The following OR2T12 variants were observed in gnomAD, a reference collection of about 807,000 sequenced individuals.
OR2T12 encodes the protein olfactory receptor 2T12.
For synonymous variants in OR2T12, 127 were observed against 160.5 expected (o/e 0.79, Z 1.58); for missense variants, 335 against 404.3 (o/e 0.83, Z 1.47).
At position 248,297,989 on chromosome 1, in the gene OR2T12, G is replaced by T. The variant is rs375090480; in HGVS notation, c.-8-2403C>A. On this transcript the variant is annotated intron_variant, in intron 2 of 2. Transcript: ENST00000641276. ...TCAGTATGATATTGGCTGTGGGTTT[G>T]TCATAGATAGCTCTTATTATTTTGA... 4.2e-4 allele frequency among the ~76,000 whole-genome samples: 63 copies of T among 151,354 alleles called. 3 individuals are homozygous for T. In the East Asian group the frequency reaches 5.8e-3, roughly 14 times the overall value.
intron 2 of OR2T12, among the ~76,000 whole-genome samples, chr1:248,298,193 G>A (rs983580698): frequency 5.9e-5 from 9 of 152,140 alleles, no homozygotes; most frequent in South Asian, 2.1e-4. Flanking sequence ...GCATCCCAGC[G>A]ATGAAGCCCA....
chr1:248,295,837 A>T (rs1207156295), intron 2 of OR2T12, among the ~76,000 whole-genome samples: 1 of 152,008 alleles, frequency 6.6e-6, no homozygotes, highest in African/African-American at 2.4e-5. Context: ...AATGAATAAA[A>T]ATTTTTTTTT....
In OR2T12 at chr1:248,294,016, A is replaced by T. The variant is rs920437313; in HGVS notation, c.*600T>A. The stretch of plus-strand genomic sequence containing the variant: ...GCATCTATATTTTAAAATATAACTT[A>T]AAAATAATGTTATTTGTCTTTGGTG... On this transcript the variant is annotated 3_prime_UTR_variant, in exon 3 of 3. Coordinates refer to ENST00000641276, the MANE Select transcript of OR2T12 (RefSeq NM_001004692.2). 3.9e-5 allele frequency: 6 copies of T among 152,196 alleles called. No homozygotes were observed. The highest frequency in any genetic ancestry group is 1.4e-4 in the African/African-American group (6 of 41,454). 9.4% of individuals were successfully genotyped at this position (152,196 alleles called of 1,614,324 possible).
At chr1:248,300,061 G>A (rs574120620) in intron 2 of OR2T12, among the ~76,000 whole-genome samples, 1 of 152,096 alleles carries the variant, frequency 6.6e-6, no homozygotes, top group Non-Finnish European at 1.5e-5. Context: ...TTAATAGCAT[G>A]TGCACATTGT....
chr1:248,297,310 T>A (rs1406051949), intron 2 of OR2T12, among the ~76,000 whole-genome samples: 1 of 152,056 alleles, frequency 6.6e-6, no homozygotes, highest in Non-Finnish European at 1.5e-5. Context: ...TTTGTTCTTT[T>A]CGCTTAGGAT....
chr1:248,295,931 G>C (rs1397652274), intron 2 of OR2T12, among the ~76,000 whole-genome samples: 1 of 151,936 alleles, frequency 6.6e-6, no homozygotes, highest in Non-Finnish European at 1.5e-5. Flanking sequence ...GTATACATGT[G>C]ACATGCTGGT....
intron 2 of OR2T12, among the ~76,000 whole-genome samples, chr1:248,295,955 T>G (rs1659719607): frequency 6.6e-6 from 1 of 152,102 alleles, no homozygotes; most frequent in Admixed American, 6.5e-5. Flanking sequence ...CTGCACCCAC[T>G]AACTCCTCAT....
At position 248,294,107 on chromosome 1, in the gene OR2T12, T is replaced by C. The variant is rs944387299; in HGVS notation, c.*509A>G. The C allele has an allele frequency of 1.9e-5, 3 of 154,318 alleles. No individual in the cohort carries two copies. Among genetic ancestry groups the C allele is most frequent in the African/African-American group, 7.2e-5 (3 of 41,454 alleles). The allele number at this position is 154,318 out of a possible 1,614,324, so 9.6% of individuals were successfully genotyped here. Reference sequence around the variant, plus strand: ...GGGAAATAACACTCAAAATACATTATTGAACAGAAATAAACTCTTCCAGGT... The same window carrying C: ...GGGAAATAACACTCAAAATACATTACTGAACAGAAATAAACTCTTCCAGGT... On this transcript the variant is annotated 3_prime_UTR_variant, in exon 3 of 3. Coordinates refer to ENST00000641276, the MANE Select transcript of OR2T12 (RefSeq NM_001004692.2).
Position 248,294,480 on chromosome 1 carries a change from C to T in OR2T12, c.*136G>A. ...AAATGGTATCTGTCAATACAATTGG[C>T]TCACTTCATTCTTAAAAATATCTTA... On this transcript the variant is annotated 3_prime_UTR_variant, in exon 3 of 3. Transcript: ENST00000641276. The T allele has an allele frequency of 4.2e-6, 5 of 1,192,092 alleles. No individual in the cohort carries two copies. Among genetic ancestry groups the T allele is most frequent in the Non-Finnish European group, 5.9e-6 (5 of 851,028 alleles). 73.8% of individuals were successfully genotyped at this position (1,192,092 alleles called of 1,614,324 possible).
At position 248,294,336 on chromosome 1, in the gene OR2T12, C is replaced by G. The variant is rs1659678346; in HGVS notation, c.*280G>C. The stretch of plus-strand genomic sequence containing the variant: ...ATTTTTGATGAAAAATTTGGGACAC[C>G]TTTTAAAGATTTGGAGTTTGCAAAA... On this transcript the variant is annotated 3_prime_UTR_variant, in exon 3 of 3. Coordinates refer to ENST00000641276, the MANE Select transcript of OR2T12 (RefSeq NM_001004692.2). 3.4e-6 allele frequency: 1 copy of G among 297,088 alleles called. No homozygotes were observed. Among genetic ancestry groups the G allele is most frequent in the Non-Finnish European group, 6.1e-6 (1 of 162,996 alleles). The allele number at this position is 297,088 out of a possible 1,614,324, so 18.4% of individuals were successfully genotyped here.
rs1004052072 is a variant in OR2T12, at chr1:248,294,464, C to G, written c.*152G>C. ...GTACATAAATGCTCAAAAATGGTAT[C>G]TGTCAATACAATTGGCTCACTTCAT... On this transcript the variant is annotated 3_prime_UTR_variant, in exon 3 of 3. Transcript: ENST00000641276. 4.1e-6 allele frequency: 4 copies of G among 980,646 alleles called. No homozygotes were observed. The highest frequency in any genetic ancestry group is 6.0e-6 in the Non-Finnish European group (4 of 666,550). 60.7% of individuals were successfully genotyped at this position (980,646 alleles called of 1,614,324 possible).
At chr1:248,302,610 A>G (rs1198356205) in intron 1 of OR2T12, among the ~76,000 whole-genome samples, 2 of 152,152 alleles carry the variant, frequency 1.3e-5, no homozygotes, top group African/African-American at 4.8e-5. Flanking sequence ...GTCTTGGAGG[A>G]GCACATGACA....
chr1:248,297,311 C>T (rs113404099), intron 2 of OR2T12, among the ~76,000 whole-genome samples: 5 of 151,316 alleles, frequency 3.3e-5, no homozygotes, highest in Admixed American at 6.6e-5. Flanking sequence ...TTGTTCTTTT[C>T]GCTTAGGATT....
intron 2 of OR2T12, among the ~76,000 whole-genome samples, chr1:248,296,571 A>T (rs1659731738): frequency 6.6e-6 from 1 of 151,856 alleles, no homozygotes; most frequent in Non-Finnish European, 1.5e-5. Flanking sequence ...ATGATATCTC[A>T]TTGTGGTTTT....
rs1348553205 is a variant in OR2T12, at chr1:248,291,809, C to T, written c.*2807G>A. On this transcript the variant is annotated 3_prime_UTR_variant, in exon 3 of 3. Transcript: ENST00000641276. ...ATACAACCATCTCTTCTTTGACAAA[C>T]CTGACAAAAACAAGCAATGGGGAAA... 1.3e-5 allele frequency: 2 copies of T among 151,996 alleles called. No individual in the cohort carries two copies. Among genetic ancestry groups the T allele is most frequent in the Non-Finnish European group, 2.9e-5 (2 of 68,000 alleles). The allele number at this position is 151,996 out of a possible 1,614,324, so 9.4% of individuals were successfully genotyped here.
intron 2 of OR2T12, among the ~76,000 whole-genome samples, chr1:248,299,083 G>A (rs1659776861): frequency 6.6e-6 from 1 of 152,156 alleles, no homozygotes; most frequent in Admixed American, 6.6e-5. Context: ...ACAAAATCAT[G>A]CCAAATTGTA....
rs114480810 is a variant in OR2T12 at position 248,294,432 on chromosome 1, A to G, written c.*184T>C. 2,333 of 714,220 alleles carry G rather than the reference A, an allele frequency of 3.3e-3. 35 individuals carry two copies. In the African/African-American group the frequency reaches 0.037, roughly 11 times the overall value. 44.2% of individuals were successfully genotyped at this position (714,220 alleles called of 1,614,324 possible). The stretch of plus-strand genomic sequence containing the variant: ...TAATCTATAGGTATTACTTCACTTG[A>G]AGAAAAGTACATAAATGCTCAAAAA... On this transcript the variant is annotated 3_prime_UTR_variant, in exon 3 of 3. Transcript: ENST00000641276.
intron 1 of OR2T12, among the ~76,000 whole-genome samples, 193 bp downstream of exon 1, chr1:248,303,153 G>A (rs1182233395): frequency 6.6e-6 from 1 of 152,100 alleles, no homozygotes; most frequent in Admixed American, 6.5e-5. Flanking sequence ...TTGATAAGCT[G>A]AGGCAGGTAA....
intron 2 of OR2T12, among the ~76,000 whole-genome samples, chr1:248,300,813 G>T (rs1659802418): frequency 6.6e-6 from 1 of 152,000 alleles, no homozygotes; most frequent in East Asian, 1.9e-4. Context: ...ATGTGGTCAA[G>T]TTCGCTTCTC....
Sources: allele counts gnomAD v4.1 joint callset (sites outside exome capture counted in the v4.1 genomes callset), GRCh38; gene constraint gnomAD v4.1.1; transcripts MANE v1.5; gene names NCBI Gene and HGNC (gene_info 2026-07-23, HGNC 2026-07-21).